Variants in PFDN1 observed in about 807,000 individuals in gnomAD.
PFDN1 encodes prefoldin 1.
In PFDN1, 6 loss-of-function variants were observed where a neutral mutation model predicts 17.3. The observed-to-expected ratio is 0.35, with a 90% CI of 0.19 to 0.69. PFDN1 has a LOEUF of 0.69. Among genes scored for constraint, PFDN1 ranks in the 30% least tolerant of loss-of-function variants. PFDN1 has a pLI of 0.65. For missense variants in PFDN1, 113 were observed against 146.2 expected, an observed-to-expected ratio of 0.77 and a Z score of 1.17; for synonymous variants, 58 against 50.1, an observed-to-expected ratio of 1.16 and a Z score of -0.67.
intron 3 of PFDN1, chr5:140,273,788 G>A (rs1765248426): frequency 5.7e-6 from 2 of 353,124 alleles, no homozygotes; most frequent in Non-Finnish European, 7.9e-6. Context: ...TTCTGTTATT[G>A]CTGAGCTAAC....
rs1242300822 is a variant in PFDN1 at position 140,254,354 on chromosome 5, C to T, written c.286-8297G>A. ...AATAAAAGCCTACATTTCCATCTGT[C>T]CATCCTTCCATCCACTCATTCAGCT... On this transcript the variant is annotated intron_variant, in intron 3 of 3. Transcript: ENST00000261813. The surrounding 1 kb of genome is among the most constrained non-coding windows in gnomAD (Gnocchi z 4.4). Among the ~76,000 whole-genome samples, 1 of 152,174 alleles carries T rather than the reference C, an allele frequency of 6.6e-6. No individual in the cohort carries two copies. The highest frequency in any genetic ancestry group is 1.5e-5 in the Non-Finnish European group (1 of 68,028).
chr5:140,271,659 A>G (rs1765207051), intron 3 of PFDN1, among the ~76,000 whole-genome samples: 1 of 152,122 alleles, frequency 6.6e-6, no homozygotes. Context: ...TCTTAGCAAG[A>G]TGCTAAGATA....
intron 3 of PFDN1, among the ~76,000 whole-genome samples, chr5:140,261,560 C>T (rs190168370): frequency 6.6e-6 from 1 of 152,266 alleles, no homozygotes; most frequent in East Asian, 1.9e-4. Flanking sequence ...CTCAAAGCCA[C>T]GGCAGGCACA....
intron 2 of PFDN1, among the ~76,000 whole-genome samples, chr5:140,294,022 TTC>T (rs138150459): frequency 0.014 from 2,083 of 152,160 alleles, 44 homozygotes; most frequent in African/African-American, 0.045. Context: ...CACCAAGAAC[TTC>T]TCTTTCTTCA....
chr5:140,263,977 C>T (rs994515557), intron 3 of PFDN1, among the ~76,000 whole-genome samples: 30 of 133,376 alleles, frequency 2.2e-4, no homozygotes, highest in African/African-American at 8.2e-4. Context: ...GCCGAGATTG[C>T]GCCACTGCAC....
chr5:140,273,244 C>CA (rs1204221243), intron 3 of PFDN1, among the ~76,000 whole-genome samples: 4,215 of 66,882 alleles, frequency 0.063, 128 homozygotes, highest in South Asian at 0.22. Context: ...GACTCCATCT[C>CA]AAAAAAAAAA....
chr5:140,294,226 C>T (rs1250822998), intron 2 of PFDN1, among the ~76,000 whole-genome samples: 1 of 151,914 alleles, frequency 6.6e-6, no homozygotes, highest in East Asian at 1.9e-4. Context: ...AATAAAATAT[C>T]CAAATTTGAT....
intron 2 of PFDN1, among the ~76,000 whole-genome samples, chr5:140,296,276 A>G (rs145894967): frequency 6.6e-6 from 1 of 152,336 alleles, no homozygotes; most frequent in East Asian, 1.9e-4. Flanking sequence ...ATTTTAGGCC[A>G]GAAAAAAGAA....
chr5:140,265,133 C>T (rs906624069), intron 3 of PFDN1, among the ~76,000 whole-genome samples: 2 of 152,104 alleles, frequency 1.3e-5, no homozygotes, highest in African/African-American at 4.8e-5. Flanking sequence ...GTGTTGTCCA[C>T]ATACAGAGCA....
chr5:140,292,354 A>G (rs757504852), intron 2 of PFDN1, among the ~76,000 whole-genome samples: 30 of 152,228 alleles, frequency 2.0e-4, no homozygotes, highest in Admixed American at 1.4e-3. Flanking sequence ...AATGTCATAG[A>G]GAAATATAAA....
chr5:140,255,313 T>TA, intron 3 of PFDN1, among the ~76,000 whole-genome samples: 1 of 152,158 alleles, frequency 6.6e-6, no homozygotes, highest in South Asian at 2.1e-4. Flanking sequence ...TTTAAAGGAA[T>TA]CAAAATACAA....
At chr5:140,246,127 T>C in intron 3 of PFDN1, 70 bp from the exon 4 acceptor site, 4 of 905,926 alleles carry the variant, frequency 4.4e-6, no homozygotes, top group Non-Finnish European at 5.4e-6. Flanking sequence ...ACAGCTTTGA[T>C]GTCCAATGGT....
chr5:140,266,660 T>G (rs1765137688), intron 3 of PFDN1, among the ~76,000 whole-genome samples: 2 of 152,164 alleles, frequency 1.3e-5, no homozygotes, highest in South Asian at 4.1e-4. Context: ...CAAAAATCAA[T>G]AAGCCCTCAG....
Position 140,252,609 on chromosome 5 carries a change from C to T in PFDN1, c.286-6552G>A, listed in dbSNP as rs1025697472. On this transcript the variant is annotated intron_variant, in intron 3 of 3. Transcript: ENST00000261813. ...CCAAAGCCTCACTAATTCTCGTGTT[C>T]GCTCACTGGCAGATCTGTAAAATGG... Among the ~76,000 whole-genome samples, 10 of 152,314 alleles carry T rather than the reference C, an allele frequency of 6.6e-5. 1 individual carries two copies. The highest frequency in any genetic ancestry group is 2.0e-4 in the Admixed American group (3 of 15,304).
At chr5:140,259,769 G>C (rs1374871205) in intron 3 of PFDN1, among the ~76,000 whole-genome samples, 4 of 152,194 alleles carry the variant, frequency 2.6e-5, no homozygotes, top group African/African-American at 9.7e-5. Flanking sequence ...TAACATGCAG[G>C]TGTGTGTGGC....
Position 140,254,390 on chromosome 5 carries a change from C to A in PFDN1, c.286-8333G>T, listed in dbSNP as rs1305847818. On this transcript the variant is annotated intron_variant, in intron 3 of 3. Transcript: ENST00000261813. The surrounding 1 kb of genome is among the most constrained non-coding windows in gnomAD (Gnocchi z 4.4). Reference sequence around the variant, plus strand: ...TCCACTCATTCAGCTCACTGCCAAACCATTTCCCCTCCTTTATCCTTCATA... The same window carrying A: ...TCCACTCATTCAGCTCACTGCCAAAACATTTCCCCTCCTTTATCCTTCATA... 6.6e-6 allele frequency among the ~76,000 whole-genome samples: 1 copy of A among 152,198 alleles called. No individual in the cohort carries two copies. The highest frequency in any genetic ancestry group is 1.5e-5 in the Non-Finnish European group (1 of 68,042).
At chr5:140,248,578 C>A (rs7730245) in intron 3 of PFDN1, among the ~76,000 whole-genome samples, 71,696 of 152,008 alleles carry the variant, frequency 0.47, 17,146 homozygotes, top group South Asian at 0.71. Context: ...TACAAAAGTC[C>A]GCCAGGGCCC....
At chr5:140,284,967 A>G (rs1407955713) in intron 2 of PFDN1, among the ~76,000 whole-genome samples, 2 of 152,232 alleles carry the variant, frequency 1.3e-5, no homozygotes, top group Middle Eastern at 3.2e-3. Context: ...ATCATCCTGC[A>G]GTTTGGTACA....
At position 140,245,891 on chromosome 5, in the gene PFDN1, G is replaced by A; in HGVS notation, c.*83C>T. 1.3e-6 allele frequency: 1 copy of A among 776,574 alleles called. No individual in the cohort carries two copies. Among genetic ancestry groups the A allele is most frequent in the Non-Finnish European group, 2.2e-6 (1 of 444,542 alleles). The allele number at this position is 776,574 out of a possible 1,614,324, so 48.1% of individuals were successfully genotyped here. A position where few individuals can be genotyped will look rare whatever the true frequency, so the allele number is the denominator to read the frequency against. On this transcript the variant is annotated 3_prime_UTR_variant, in exon 4 of 4. Coordinates refer to ENST00000261813, the MANE Select transcript of PFDN1 (RefSeq NM_002622.5). Reference sequence around the variant, plus strand: ...CAAATAAAGCATCCATCGGGGCAGAGGAGAAGCTGTTTCCCTGCAGACACT... The same window carrying A: ...CAAATAAAGCATCCATCGGGGCAGAAGAGAAGCTGTTTCCCTGCAGACACT...
Sources: gnomAD v4.1 joint callset for allele counts (sites outside exome capture counted in the v4.1 genomes callset) on GRCh38, gnomAD v4.1.1 for gene constraint, Gnocchi (gnomAD v3.1) non-coding constraint, MANE v1.5 for transcripts, NCBI Gene and HGNC (gene_info 2026-07-23, HGNC 2026-07-21) for gene names.